Variants in EDARADD observed in about 807,000 individuals in gnomAD.
The protein encoded by EDARADD is ectodysplasin-A receptor-associated adapter protein.
Under a neutral mutation model 25.6 loss-of-function variants are expected in EDARADD, and 20 were observed. That is an observed-to-expected ratio of 0.78 (90% CI 0.55 to 1.14). The LOEUF (loss-of-function observed/expected upper bound fraction) is 1.14. Among genes scored for constraint, EDARADD ranks in the 50% most tolerant of loss-of-function variants. The probability of loss-of-function intolerance (pLI) is 0.00; values close to 1 mark genes in which losing one functional copy is unlikely to be tolerated. For missense variants in EDARADD, 225 were observed against 270.1 expected (o/e 0.83, Z 1.17); for synonymous variants, 86 against 94.4 (o/e 0.91, Z 0.52).
chr1:236,479,118 A>G (rs754979616), intron 5 of EDARADD, among the ~76,000 whole-genome samples: 35 of 152,082 alleles, frequency 2.3e-4, no homozygotes, highest in Non-Finnish European at 4.4e-4. Context: ...CCACTAATGA[A>G]CTTACTCATG....
At chr1:236,422,932 C>G (rs1657819041) in intron 3 of EDARADD, among the ~76,000 whole-genome samples, 1 of 152,194 alleles carries the variant, frequency 6.6e-6, no homozygotes, top group African/African-American at 2.4e-5. Flanking sequence ...TGTTTAATGA[C>G]AGCCTCTATT....
intron 1 of EDARADD, among the ~76,000 whole-genome samples, chr1:236,408,018 A>G (rs1437925270): frequency 6.6e-6 from 1 of 152,198 alleles, no homozygotes; most frequent in Non-Finnish European, 1.5e-5. Flanking sequence ...TCAGGAAAGA[A>G]GTAGATTCAG....
At chr1:236,480,599 T>C (rs1236411519) in intron 5 of EDARADD, among the ~76,000 whole-genome samples, 1 of 152,058 alleles carries the variant, frequency 6.6e-6, no homozygotes, top group African/African-American at 2.4e-5. Flanking sequence ...GACTCAATGT[T>C]ATATATATAG....
Position 236,398,410 on chromosome 1 carries a change from A to G in EDARADD, c.61+3905A>G, listed in dbSNP as rs558086263. Among the ~76,000 whole-genome samples the G allele has an allele frequency of 2.0e-5, 3 of 152,306 alleles. No individual in the cohort carries two copies. The South Asian group carries it at 6.2e-4, about 32-fold the overall frequency. The stretch of plus-strand genomic sequence containing the variant: ...CTGTGCCCAGCCAGTCGTCTTTTAA[A>G]AACAAATCGGATTCTGCCATTTGTC... On this transcript the variant is annotated intron_variant, in intron 1 of 5. Transcript: ENST00000334232. This position sits in a 1 kb window ranked among gnomAD's most constrained non-coding sequence, Gnocchi z 4.1.
intron 4 of EDARADD, 75 bp from the exon 5 acceptor site, chr1:236,468,156 C>G: frequency 2.0e-6 from 3 of 1,476,238 alleles, no homozygotes; most frequent in Non-Finnish European, 2.8e-6. Flanking sequence ...GGAAATTTAA[C>G]TAAGTTGGAA....
chr1:236,357,878 AT>A (rs34263861), intron 3 of EDARADD, among the ~76,000 whole-genome samples: 1,972 of 147,406 alleles, frequency 0.013, 25 homozygotes, highest in Middle Eastern at 0.035. Flanking sequence ...ATTTTATTTA[AT>A]TTTTTTTTTT....
At chr1:236,418,025 C>T (rs1657686105) in intron 3 of EDARADD, among the ~76,000 whole-genome samples, 2 of 150,708 alleles carry the variant, frequency 1.3e-5, no homozygotes, top group Admixed American at 6.6e-5. Context: ...GCGATCTCGG[C>T]TCACTGCAAG....
chr1:236,390,623 GAT>G (rs1217726648), upstream of EDARADD, among the ~76,000 whole-genome samples: 5 of 152,116 alleles, frequency 3.3e-5, no homozygotes, highest in Admixed American at 2.0e-4. Flanking sequence ...AAAAAATTCT[GAT>G]ATGTTTCTCC....
intron 4 of EDARADD, among the ~76,000 whole-genome samples, chr1:236,433,603 A>G (rs529907900): frequency 6.6e-6 from 1 of 152,034 alleles, no homozygotes; most frequent in East Asian, 2.0e-4. Flanking sequence ...GAGTCACCGC[A>G]TCCAGCCTAA....
intron 5 of EDARADD, among the ~76,000 whole-genome samples, chr1:236,472,859 T>C (rs585273): frequency 0.48 from 72,608 of 151,892 alleles, 18,000 homozygotes; most frequent in African/African-American, 0.61. Context: ...GGTTAGCTGC[T>C]GCTAAAGCTC....
At chr1:236,413,206 G>A (rs16833648) in intron 2 of EDARADD, among the ~76,000 whole-genome samples, 6,428 of 152,332 alleles carry the variant, frequency 0.042, 348 homozygotes, top group African/African-American at 0.13. Context: ...ACAGGTTTGT[G>A]TTCCTCGGTC....
At chr1:236,424,949 T>A (rs1254016574) in intron 3 of EDARADD, among the ~76,000 whole-genome samples, 1 of 152,252 alleles carries the variant, frequency 6.6e-6, no homozygotes, top group Non-Finnish European at 1.5e-5. Flanking sequence ...TCTAGCCACA[T>A]AAAGTTGTGG....
chr1:236,475,291 A>G (rs2103038797), intron 5 of EDARADD, among the ~76,000 whole-genome samples: 1 of 152,346 alleles, frequency 6.6e-6, no homozygotes, highest in East Asian at 1.9e-4. Flanking sequence ...TATATATGAT[A>G]GTTATTTAAA....
intron 3 of EDARADD, among the ~76,000 whole-genome samples, chr1:236,423,197 C>T (rs978731372): frequency 9.2e-5 from 14 of 152,000 alleles, no homozygotes; most frequent in African/African-American, 3.1e-4. Context: ...GTACTGGCAT[C>T]AATGAGATTA....
At chr1:236,437,111 G>A (rs1658275755) in intron 4 of EDARADD, among the ~76,000 whole-genome samples, 1 of 152,220 alleles carries the variant, frequency 6.6e-6, no homozygotes, top group African/African-American at 2.4e-5. Flanking sequence ...GGAAGTGTTT[G>A]TGGATGCTCC....
chr1:236,484,522 C>T lies in EDARADD; in HGVS notation c.*1873C>T. 2 of 1,425,844 alleles carry T rather than the reference C, an allele frequency of 1.4e-6. No homozygotes were observed. Among genetic ancestry groups the T allele is most frequent in the African/African-American group, 1.4e-5 (1 of 72,088 alleles). The allele number at this position is 1,425,844 out of a possible 1,614,324, so 88.3% of individuals were successfully genotyped here. A position where few individuals can be genotyped will look rare whatever the true frequency, so the allele number is the denominator to read the frequency against. Reference sequence around the variant, plus strand: ...CCTGGTGGCTAATTAGACCCCTCCCCTTGTGTCAACTCCGGCAGCTCAAGA... The same window carrying T: ...CCTGGTGGCTAATTAGACCCCTCCCTTTGTGTCAACTCCGGCAGCTCAAGA... On this transcript the variant is annotated 3_prime_UTR_variant, in exon 6 of 6. Coordinates refer to ENST00000334232, the MANE Select transcript of EDARADD (RefSeq NM_145861.4). This position sits in a 1 kb window ranked among gnomAD's most constrained non-coding sequence, Gnocchi z 4.1.
intron 1 of EDARADD, among the ~76,000 whole-genome samples, chr1:236,405,822 T>TTTTCTTCC (rs1667711824): frequency 3.6e-5 from 2 of 55,390 alleles, no homozygotes; most frequent in Non-Finnish European, 6.7e-5. Flanking sequence ...CCTTCCTTCC[T>TTTTCTTCC]TTCCTTCCTT....
intron 4 of EDARADD, among the ~76,000 whole-genome samples, chr1:236,460,042 T>A (rs1420894235): frequency 1.3e-5 from 2 of 152,230 alleles, no homozygotes; most frequent in Non-Finnish European, 2.9e-5. Flanking sequence ...TATGCATATG[T>A]CTTCATTCCA....
At chr1:236,458,683 G>GCCC (rs1287499202) in intron 4 of EDARADD, among the ~76,000 whole-genome samples, 2 of 83,528 alleles carry the variant, frequency 2.4e-5, no homozygotes, top group East Asian at 6.6e-4. Flanking sequence ...CACTCTTGTT[G>GCCC]CCCAGGCTGG....
Sources: allele counts gnomAD v4.1 joint callset (sites outside exome capture counted in the v4.1 genomes callset), GRCh38; gene constraint gnomAD v4.1.1; non-coding constraint Gnocchi (gnomAD v3.1); transcripts MANE v1.5; gene names NCBI Gene and HGNC (gene_info 2026-07-23, HGNC 2026-07-21).